Variants in UVRAG observed in about 807,000 individuals in gnomAD.
The protein encoded by UVRAG is UV radiation resistance-associated gene protein.
In UVRAG, 19 loss-of-function variants were observed where a neutral mutation model predicts 78.0. That is an observed-to-expected ratio of 0.24 (90% CI 0.17 to 0.36). The LOEUF (loss-of-function observed/expected upper bound fraction) is 0.36. Among genes scored for constraint, UVRAG ranks in the 10% least tolerant of loss-of-function variants. UVRAG has a pLI of 1.00. For synonymous variants in UVRAG, 323 were observed against 324.6 expected (o/e 1.00, Z 0.05); for missense variants, 740 against 853.8 (o/e 0.87, Z 1.66).
intron 6 of UVRAG, 126 bp downstream of exon 6, chr11:75,912,165 G>A (rs1034207988): frequency 6.1e-6 from 4 of 653,802 alleles, no homozygotes; most frequent in Non-Finnish European, 7.9e-6. Context: ...ATTTTTTAGT[G>A]CAAGCGTCAT....
chr11:75,824,729 A>G, intron 1 of UVRAG, among the ~76,000 whole-genome samples: 1 of 136,776 alleles, frequency 7.3e-6, no homozygotes, highest in Admixed American at 8.2e-5. Flanking sequence ...GCTGGAGTGC[A>G]GTGGCACGAT....
chr11:76,030,915 T>C (rs990112946), intron 12 of UVRAG, among the ~76,000 whole-genome samples: 2 of 151,786 alleles, frequency 1.3e-5, no homozygotes, highest in Non-Finnish European at 3.0e-5. Context: ...ATGATGCAGG[T>C]AGTGTATTTG....
At chr11:76,008,134 TCTC>T (rs1228017075) in intron 10 of UVRAG, among the ~76,000 whole-genome samples, 4 of 152,100 alleles carry the variant, frequency 2.6e-5, no homozygotes, top group Admixed American at 1.3e-4. Context: ...ATGGTCTCGA[TCTC>T]CTGACCTCGT....
At chr11:76,078,632 G>A (rs753349462) in intron 13 of UVRAG, among the ~76,000 whole-genome samples, 24 of 151,434 alleles carry the variant, frequency 1.6e-4, no homozygotes, top group African/African-American at 2.7e-4. Flanking sequence ...GACCGGGTGC[G>A]GTGGCTCACA....
chr11:76,074,914 T>G (rs1951377323), intron 13 of UVRAG, among the ~76,000 whole-genome samples: 1 of 152,086 alleles, frequency 6.6e-6, no homozygotes, highest in Admixed American at 6.5e-5. Context: ...AGTTAAGACT[T>G]CATAGAAAGT....
intron 1 of UVRAG, among the ~76,000 whole-genome samples, chr11:75,839,852 C>CATATAT (rs547913913): frequency 0.036 from 5,449 of 150,002 alleles, 121 homozygotes; most frequent in African/African-American, 0.058. Flanking sequence ...CACCCCCACA[C>CATATAT]ATATATATAT....
intron 12 of UVRAG, 78 bp downstream of exon 12, chr11:76,017,058 T>C: frequency 9.0e-7 from 1 of 1,105,478 alleles, no homozygotes; most frequent in Non-Finnish European, 1.2e-6. Flanking sequence ...ATACATAAAA[T>C]GTAATCTAAA....
At chr11:75,827,703 C>A (rs1039821644) in intron 1 of UVRAG, among the ~76,000 whole-genome samples, 1 of 152,162 alleles carries the variant, frequency 6.6e-6, no homozygotes, top group African/African-American at 2.4e-5. Context: ...TTTTAAAGTG[C>A]CTTGTTTGAA....
At chr11:76,057,917 G>T (rs183704680) in intron 12 of UVRAG, among the ~76,000 whole-genome samples, 16 of 152,228 alleles carry the variant, frequency 1.1e-4, no homozygotes, top group African/African-American at 3.6e-4. Context: ...GGTTTTTGTT[G>T]TTGTTGTTGT....
rs188695071 is a variant in UVRAG, at chr11:76,053,199, A to G, written c.1227-12511A>G. Among the ~76,000 whole-genome samples, 1,432 of 151,730 alleles carry G rather than the reference A, an allele frequency of 9.4e-3. 22 individuals are homozygous for G. The highest frequency in any genetic ancestry group is 0.033 in the African/African-American group (1,362 of 41,326). ...TGTACACCTGTAATCCCAGCTACTCAGGAGGCTGAGGCAGGAGAATTGCCC... is the reference window on the plus strand; with the variant it reads ...TGTACACCTGTAATCCCAGCTACTCGGGAGGCTGAGGCAGGAGAATTGCCC... On this transcript the variant is annotated intron_variant, in intron 12 of 14. Coordinates refer to ENST00000356136, the MANE Select transcript of UVRAG (RefSeq NM_003369.4).
At chr11:76,101,662 T>C (rs990434900) in intron 13 of UVRAG, among the ~76,000 whole-genome samples, 2 of 152,226 alleles carry the variant, frequency 1.3e-5, no homozygotes, top group African/African-American at 2.4e-5. Flanking sequence ...CCAGTTCCTA[T>C]GTCCAGAATG....
intron 13 of UVRAG, among the ~76,000 whole-genome samples, chr11:76,087,377 TCTGA>T (rs1486876818): frequency 6.6e-6 from 1 of 152,238 alleles, no homozygotes; most frequent in African/African-American, 2.4e-5. Flanking sequence ...CCTTAGAGAC[TCTGA>T]CTAATTAGGA....
Position 76,137,277 on chromosome 11 carries a change from G to T in UVRAG, c.1398-3434G>T, listed in dbSNP as rs748562484. On this transcript the variant is annotated intron_variant, in intron 14 of 14. Transcript: ENST00000356136. ...AGGGGCACTGATTCAACCACCCACAGCGCCAGAGGGGACTCGAAGAACCCA... is the reference window on the plus strand; with the variant it reads ...AGGGGCACTGATTCAACCACCCACATCGCCAGAGGGGACTCGAAGAACCCA... 8.8e-6 allele frequency: 4 copies of T among 454,414 alleles called. 1 individual carries two copies. The highest frequency in any genetic ancestry group is 6.2e-5 in the South Asian group (4 of 64,398). 28.1% of individuals were successfully genotyped at this position (454,414 alleles called of 1,614,324 possible).
chr11:76,048,017 A>G (rs539330620), intron 12 of UVRAG, among the ~76,000 whole-genome samples: 1 of 152,374 alleles, frequency 6.6e-6, no homozygotes, highest in African/African-American at 2.4e-5. Context: ...GCAAGCACTT[A>G]GAAAAGCTTG....
At chr11:75,955,268 C>T (rs1182396234) in intron 6 of UVRAG, among the ~76,000 whole-genome samples, 1 of 152,020 alleles carries the variant, frequency 6.6e-6, no homozygotes, top group African/African-American at 2.4e-5. Context: ...CCTTAGGAGC[C>T]CTGAGGGATT....
intron 7 of UVRAG, among the ~76,000 whole-genome samples, chr11:75,965,622 G>T (rs1443149347): frequency 6.6e-6 from 1 of 152,144 alleles, no homozygotes; most frequent in African/African-American, 2.4e-5. Flanking sequence ...GCAGATGTTG[G>T]ACATCTTTTG....
chr11:75,930,882 A>G (rs1240096903), intron 6 of UVRAG: 1 of 152,128 alleles, frequency 6.6e-6, no homozygotes, highest in Non-Finnish European at 1.5e-5. Context: ...AGGTGGTGAA[A>G]ACGATCTCTG....
In UVRAG at chr11:76,141,761, A is replaced by T. The variant is rs998495183; in HGVS notation, c.*348A>T. Reference sequence around the variant, plus strand: ...GAAGATGATAATATATAAATAATATAATGAACACACCCTTAGTTTCTCATA... The same window carrying T: ...GAAGATGATAATATATAAATAATATTATGAACACACCCTTAGTTTCTCATA... On this transcript the variant is annotated 3_prime_UTR_variant, in exon 15 of 15. Coordinates refer to ENST00000356136, the MANE Select transcript of UVRAG (RefSeq NM_003369.4). The T allele has an allele frequency of 8.4e-6, 2 of 239,318 alleles. No homozygotes were observed. Among genetic ancestry groups the T allele is most frequent in the Admixed American group, 5.1e-5 (1 of 19,624 alleles). 14.8% of individuals were successfully genotyped at this position (239,318 alleles called of 1,614,324 possible).
In UVRAG at chr11:76,048,846, A is replaced by G. The variant is rs577197013; in HGVS notation, c.1227-16864A>G. 4.6e-5 allele frequency among the ~76,000 whole-genome samples: 7 copies of G among 152,336 alleles called. No individual in the cohort carries two copies. The South Asian group carries it at 1.5e-3, about 32-fold the overall frequency. ...TCAGCCTTTAAAACTTAAGTAGTTT[A>G]ACAGATTTATGCACACCATTATTGA... On this transcript the variant is annotated intron_variant, in intron 12 of 14. Transcript: ENST00000356136.
Sources: allele counts gnomAD v4.1 joint callset (sites outside exome capture counted in the v4.1 genomes callset), GRCh38; gene constraint gnomAD v4.1.1; transcripts MANE v1.5; gene names NCBI Gene and HGNC (gene_info 2026-07-23, HGNC 2026-07-21).